The following PLA2G1B variants were observed in gnomAD, a reference collection of about 807,000 sequenced individuals.
PLA2G1B encodes the protein phospholipase A2.
In PLA2G1B, 12 loss-of-function variants were observed where a neutral mutation model predicts 12.5. The ratio of observed to expected loss-of-function variants is 0.96; its 90% confidence interval spans 0.62 to 1.56. The LOEUF (loss-of-function observed/expected upper bound fraction) is 1.56. PLA2G1B is among the 40% of genes most tolerant of loss of function. PLA2G1B has a pLI of 0.00. For missense variants in PLA2G1B, 189 were observed against 186.7 expected, an observed-to-expected ratio of 1.01 and a Z score of -0.07; for synonymous variants, 81 against 73.4, an observed-to-expected ratio of 1.10 and a Z score of -0.53.
Position 120,326,020 on chromosome 12 carries a change from A to T in PLA2G1B, c.35T>A (p.Val12Glu), listed in dbSNP as rs776220815. 2.5e-6 allele frequency: 4 copies of T among 1,613,690 alleles called. No homozygotes were observed. Among genetic ancestry groups the T allele is most frequent in the East Asian group, 2.2e-5 (1 of 44,868 alleles). ...GCTGATGCCGCTGTCGGCGGCGGCCACTGCAAGAAGACATAGCCAGAGTTC... is the reference window on the plus strand; with the variant it reads ...GCTGATGCCGCTGTCGGCGGCGGCCTCTGCAAGAAGACATAGCCAGAGTTC... ...KLLVLAVLLT[V>E]AAADSGISPR... is the part of the protein sequence containing the mutation. The change falls in exon 2 of 4, where the codon GTG (valine) becomes GAG (glutamate). Residue 12 changes from valine to glutamate, a missense_variant and splice_region_variant. Coordinates refer to ENST00000308366, the MANE Select transcript of PLA2G1B (RefSeq NM_000928.3).
At position 120,324,973 on chromosome 12, in the gene PLA2G1B, A is replaced by G. The variant is rs775594345; in HGVS notation, c.283T>C (p.Tyr95His). The G allele has an allele frequency of 1.2e-6, 2 of 1,614,002 alleles. No individual in the cohort carries two copies. The highest frequency in any genetic ancestry group is 2.7e-5 in the African/African-American group (2 of 74,902). The change falls in exon 3 of 4, where the codon TAT becomes CAT. Residue 95 changes from tyrosine to histidine, a missense_variant. Coordinates refer to ENST00000308366, the MANE Select transcript of PLA2G1B (RefSeq NM_000928.3). ...FLLDNPYTHT[Y>H]SYSCSGSAIT... ...GCCGAGCCAGAGCACGAGTATGAAT[A>G]GGTGTGGGTGTACGGGTTGTCCAGC...
chr12:120,325,936 G>C lies in PLA2G1B; in HGVS notation c.119C>G (p.Pro40Arg), dbSNP rs756351287. ...GCCGTAGTTGTTGTATTCCAAGAAG[G>C]GGTCACTCCCCGGGATCACGCACTT... is the stretch of plus-strand genomic sequence containing the variant. Reference protein sequence around the residue: ...MIKCVIPGSDPFLEYNNYGCY... With the variant: ...MIKCVIPGSDRFLEYNNYGCY... Residue 40 changes from proline to arginine, a missense_variant, in exon 2 of 4, where the codon CCC becomes CGC. Pro to Arg is a moderately radical substitution (Grantham distance 103). Transcript: ENST00000308366. 8.7e-6 allele frequency: 14 copies of C among 1,614,026 alleles called. No homozygotes were observed. The highest frequency in any genetic ancestry group is 1.2e-5 in the Non-Finnish European group (14 of 1,179,998).
In PLA2G1B at chr12:120,322,261, A is replaced by G. The variant is rs763145013; in HGVS notation, c.379T>C (p.Cys127Arg). 13 of 1,613,942 alleles carry G rather than the reference A, an allele frequency of 8.1e-6. No homozygotes were observed. Among genetic ancestry groups the G allele is most frequent in the African/African-American group, 2.7e-5 (2 of 74,916 alleles). ...ICNCDRNAAI[C>R]FSKAPYNKAH... ...TTGTTATATGGAGCTTTTGAAAAGC[A>G]GATGGCAGCGTTGCGGTCGCAGTTG... The change falls in exon 4 of 4, where the codon TGC becomes CGC. Residue 127 changes from cysteine to arginine, a missense_variant. Cys to Arg is a radical substitution (Grantham distance 180). Transcript: ENST00000308366.
At chr12:120,326,577 A>ATAT (rs1231887558) in intron 1 of PLA2G1B, among the ~76,000 whole-genome samples, 1 of 97,644 alleles carries the variant, frequency 1.0e-5, no homozygotes, top group African/African-American at 4.1e-5. Flanking sequence ...CAGTGAACAG[A>ATAT]TATAATAATA....
At position 120,324,986 on chromosome 12, in the gene PLA2G1B, C is replaced by CG. The variant is rs778437167; in HGVS notation, c.269dup (p.Tyr91ValfsTer17). 1.9e-6 allele frequency: 3 copies of CG among 1,613,938 alleles called. No homozygotes were observed. The South Asian group carries it at 3.3e-5, about 18-fold the overall frequency. On this transcript the variant is annotated frameshift_variant, in exon 3 of 4. Coordinates refer to ENST00000308366, the MANE Select transcript of PLA2G1B (RefSeq NM_000928.3). LOFTEE classifies it high-confidence loss of function. The stretch of plus-strand genomic sequence containing the variant: ...ACGAGTATGAATAGGTGTGGGTGTA[C>CG]GGGTTGTCCAGCAGAAATTTACAGC...
chr12:120,324,648 A>G (rs1373718479), intron 3 of PLA2G1B, among the ~76,000 whole-genome samples: 1 of 152,086 alleles, frequency 6.6e-6, no homozygotes, highest in Middle Eastern at 3.2e-3. Flanking sequence ...TGCCTGGGTG[A>G]CAGAGCAAGA....
In PLA2G1B at chr12:120,324,993, T is replaced by G. The variant is rs1240246673; in HGVS notation, c.263A>C (p.Asp88Ala). 1 of 1,613,928 alleles carries G rather than the reference T, an allele frequency of 6.2e-7. No homozygotes were observed. The highest frequency in any genetic ancestry group is 8.5e-7 in the Non-Finnish European group (1 of 1,179,854). The part of the protein sequence containing the change: ...KKLDSCKFLL[D>A]NPYTHTYSYS... ...TGAATAGGTGTGGGTGTACGGGTTG[T>G]CCAGCAGAAATTTACAGCTGTCCAG... Residue 88 changes from aspartate to alanine, a missense_variant, in exon 3 of 4, where the codon GAC (aspartate) becomes GCC (alanine). Transcript: ENST00000308366.
At chr12:120,323,798 C>T (rs1873284006) in intron 3 of PLA2G1B, among the ~76,000 whole-genome samples, 1 of 151,884 alleles carries the variant, frequency 6.6e-6, no homozygotes, top group Non-Finnish European at 1.5e-5. Flanking sequence ...AATGAAAAAA[C>T]AGTAACAATA....
At position 120,323,286 on chromosome 12, in the gene PLA2G1B, G is replaced by C. The variant is rs1403446989; in HGVS notation, c.323-969C>G. ...TTATTTTATTTATTTATTTTTTTGA[G>C]ATAGAGTCTCGCTGTGTCGCCCAGG... On this transcript the variant is annotated intron_variant, in intron 3 of 3. Transcript: ENST00000308366. Among the ~76,000 whole-genome samples the C allele has an allele frequency of 3.3e-5, 5 of 151,680 alleles. No homozygotes were observed. In the East Asian group the frequency reaches 7.7e-4, roughly 23 times the overall value.
intron 1 of PLA2G1B, 124 bp from the exon 2 acceptor site, chr12:120,326,144 G>T (rs1873342669): frequency 9.2e-6 from 8 of 872,914 alleles, no homozygotes; most frequent in Middle Eastern, 2.6e-4. Context: ...TCTGAAGACC[G>T]TTGGACCCAG....
chr12:120,327,333 A>T (rs530525325), intron 1 of PLA2G1B, among the ~76,000 whole-genome samples: 26 of 152,160 alleles, frequency 1.7e-4, no homozygotes, highest in Admixed American at 7.2e-4. Flanking sequence ...AAATTAAAAT[A>T]AAATAAAATA....
chr12:120,327,637 G>A (rs1873376433), intron 1 of PLA2G1B, 83 bp downstream of exon 1: 1 of 1,335,754 alleles, frequency 7.5e-7, no homozygotes, highest in Non-Finnish European at 1.1e-6. Flanking sequence ...TGTTTGCTGT[G>A]GCCTGTGGCC....
intron 1 of PLA2G1B, among the ~76,000 whole-genome samples, chr12:120,326,444 G>A (rs190073952): frequency 4.7e-5 from 7 of 148,250 alleles, no homozygotes; most frequent in African/African-American, 7.4e-5. Flanking sequence ...CCGGGTTCAC[G>A]CCATTCTCCT....
chr12:120,324,890 G>C (rs752768283), intron 3 of PLA2G1B, 44 bp downstream of exon 3: 8 of 1,607,242 alleles, frequency 5.0e-6, no homozygotes, highest in Non-Finnish European at 6.8e-6. Context: ...CCGGCCTACT[G>C]AGAACCAACT....
chr12:120,325,718 T>G, intron 2 of PLA2G1B, 143 bp downstream of exon 2: 1 of 783,694 alleles, frequency 1.3e-6, no homozygotes, highest in South Asian at 1.8e-5. Flanking sequence ...TCTTGGAACA[T>G]ATTTGTTTAT....
At chr12:120,325,355 T>G (rs1230378858) in intron 2 of PLA2G1B, among the ~76,000 whole-genome samples, 2 of 151,954 alleles carry the variant, frequency 1.3e-5, no homozygotes, top group Non-Finnish European at 2.9e-5. Flanking sequence ...CTCGCCACCA[T>G]GTCCGGCTAA....
At chr12:120,325,449 C>T (rs1270329038) in intron 2 of PLA2G1B, among the ~76,000 whole-genome samples, 1 of 152,204 alleles carries the variant, frequency 6.6e-6, no homozygotes, top group Non-Finnish European at 1.5e-5. Flanking sequence ...ATCCGCCCGC[C>T]TCGGCCTCCC....
chr12:120,325,855 A>T lies in PLA2G1B; in HGVS notation c.194+6T>A. ...ACTCCAATTTTCCTGCAGGCGGATC[A>T]CTTACTTGTCCAGTTCATCCACGGG... On this transcript the variant is annotated splice_donor_region_variant and intron_variant, in intron 2 of 3. Transcript: ENST00000308366. 3.7e-6 allele frequency: 6 copies of T among 1,613,084 alleles called. No homozygotes were observed. Among genetic ancestry groups the T allele is most frequent in the Non-Finnish European group, 5.1e-6 (6 of 1,179,434 alleles).
intron 2 of PLA2G1B, 82 bp from the exon 3 acceptor site, chr12:120,325,143 G>A: frequency 6.9e-6 from 10 of 1,454,366 alleles, no homozygotes; most frequent in Non-Finnish European, 7.7e-6. Flanking sequence ...TCAGGAACAG[G>A]TGGGGATGAC....
Sources: allele counts gnomAD v4.1 joint callset (sites outside exome capture counted in the v4.1 genomes callset), GRCh38; gene constraint gnomAD v4.1.1; transcripts MANE v1.5; gene names NCBI Gene and HGNC (gene_info 2026-07-23, HGNC 2026-07-21).